PRELID2: variants seen among roughly 807,000 people sequenced by gnomAD.
The protein encoded by PRELID2 is PRELI domain-containing protein 2.
PRELID2 carries 25 observed loss-of-function variants against 28.4 expected under a neutral mutation model. The ratio of observed to expected loss-of-function variants is 0.88; its 90% confidence interval spans 0.64 to 1.23. PRELID2 has a LOEUF of 1.23. Ranked by LOEUF, PRELID2 falls within the 50% of genes most tolerant of loss-of-function variation. The pLI, the probability that PRELID2 is intolerant of heterozygous loss-of-function variation, is 0.00. For synonymous variants in PRELID2, 76 were observed against 71.6 expected (o/e 1.06, Z -0.31); for missense variants, 201 against 214.4 (o/e 0.94, Z 0.39).
chr5:145,656,805 G>T (rs1228270644), intron 1 of PRELID2, among the ~76,000 whole-genome samples: 2 of 151,658 alleles, frequency 1.3e-5, no homozygotes, highest in Non-Finnish European at 2.9e-5. Flanking sequence ...TAATGTAAAT[G>T]GCAAGTTAAT....
chr5:145,400,725 G>C, the PRELID2 span, among the ~76,000 whole-genome samples: 1 of 152,114 alleles, frequency 6.6e-6, no homozygotes, highest in Non-Finnish European at 1.5e-5. Flanking sequence ...ACCATCTGAT[G>C]CTAGAGAAGA....
At chr5:145,754,912 G>C (rs1431709789), downstream of PRELID2, among the ~76,000 whole-genome samples, 3 of 152,288 alleles carry the variant, frequency 2.0e-5, no homozygotes, top group East Asian at 5.8e-4. Context: ...AGACATCTCA[G>C]TTGGTTCAAC....
chr5:145,569,500 A>T (rs979711272), intron 1 of PRELID2, among the ~76,000 whole-genome samples: 1 of 152,182 alleles, frequency 6.6e-6, no homozygotes, highest in Non-Finnish European at 1.5e-5. Context: ...CCTAAAAGCT[A>T]CTAATATTAC....
chr5:145,530,358 T>C (rs1037515088), intron 1 of PRELID2, among the ~76,000 whole-genome samples: 3 of 152,110 alleles, frequency 2.0e-5, no homozygotes, highest in African/African-American at 7.2e-5. Flanking sequence ...AATAATTCAT[T>C]ACAAACTCAT....
the PRELID2 span, among the ~76,000 whole-genome samples, chr5:145,405,343 G>C: frequency 5.9e-5 from 9 of 152,118 alleles, no homozygotes; most frequent in Non-Finnish European, 1.2e-4. Flanking sequence ...ACCTATGTTA[G>C]TTAATTGCTG....
At chr5:145,389,706 A>G in the PRELID2 span, among the ~76,000 whole-genome samples, 2 of 152,134 alleles carry the variant, frequency 1.3e-5, no homozygotes, top group African/African-American at 4.8e-5. Flanking sequence ...GGAAGGAAAA[A>G]AAGAGAATAC....
At chr5:145,275,977 A>T in the PRELID2 span, among the ~76,000 whole-genome samples, 1 of 152,280 alleles carries the variant, frequency 6.6e-6, no homozygotes. Context: ...CATAACTAGC[A>T]GTTTCTGACA....
At chr5:145,252,208 C>T in the PRELID2 span, among the ~76,000 whole-genome samples, 1 of 152,118 alleles carries the variant, frequency 6.6e-6, no homozygotes, top group African/African-American at 2.4e-5. Context: ...ATGGGAATCT[C>T]TGTTTTAACA....
At chr5:145,253,691 A>G in the PRELID2 span, among the ~76,000 whole-genome samples, 1 of 152,010 alleles carries the variant, frequency 6.6e-6, no homozygotes, top group African/African-American at 2.4e-5. Context: ...CTGAACTGTT[A>G]GAGAGGTAGG....
chr5:145,423,994 CGTGTGAGGTGTCA>C, the PRELID2 span, among the ~76,000 whole-genome samples: 1 of 151,490 alleles, frequency 6.6e-6, no homozygotes, highest in Non-Finnish European at 1.5e-5. Flanking sequence ...AGTACCCTGC[CGTGTGAGGTGTCA>C]GTGTGACCCT....
chr5:145,663,786 T>TA (rs1241967479), intron 1 of PRELID2, among the ~76,000 whole-genome samples: 1 of 152,110 alleles, frequency 6.6e-6, no homozygotes, highest in Non-Finnish European at 1.5e-5. Flanking sequence ...TCCTCATTTG[T>TA]AAAACTGGCA....
the PRELID2 span, among the ~76,000 whole-genome samples, chr5:145,321,933 T>G: frequency 3.3e-5 from 5 of 152,210 alleles, no homozygotes; most frequent in African/African-American, 1.2e-4. Context: ...GCGCTGGAGC[T>G]CACCATCCTC....
chr5:145,503,020 T>C (rs1752373185), intron 1 of PRELID2, among the ~76,000 whole-genome samples: 1 of 152,238 alleles, frequency 6.6e-6, no homozygotes, highest in Admixed American at 6.5e-5. Context: ...AGATTTAATT[T>C]CCTTGCCTCT....
chr5:145,431,016 T>TG, the PRELID2 span, among the ~76,000 whole-genome samples: 4 of 145,436 alleles, frequency 2.8e-5, no homozygotes, highest in African/African-American at 5.1e-5. Flanking sequence ...GTTTTTTTTT[T>TG]TTTTTTTTTT....
At chr5:145,669,023 CT>C (rs1693411330) in intron 1 of PRELID2, among the ~76,000 whole-genome samples, 1 of 152,096 alleles carries the variant, frequency 6.6e-6, no homozygotes, top group African/African-American at 2.4e-5. Flanking sequence ...GAGACAGAAA[CT>C]TTCCTCAGAC....
At chr5:145,728,343 TA>T (rs1253295267) in intron 1 of PRELID2, 1 of 378,114 alleles carries the variant, frequency 2.6e-6, no homozygotes, top group Non-Finnish European at 5.0e-6. Flanking sequence ...TCTCTATCTC[TA>T]CTTACTTATC....
the PRELID2 span, among the ~76,000 whole-genome samples, chr5:145,384,896 A>T: frequency 6.6e-6 from 1 of 152,156 alleles, no homozygotes; most frequent in Non-Finnish European, 1.5e-5. Context: ...CATCTTCATG[A>T]TCCATTCACC....
At chr5:145,229,666 C>A in the PRELID2 span, 12 of 791,212 alleles carry the variant, frequency 1.5e-5, no homozygotes, top group Non-Finnish European at 2.2e-5. Context: ...ATCTACCAGA[C>A]CCCAGTAGGC....
chr5:145,317,439 G>A, the PRELID2 span, among the ~76,000 whole-genome samples: 1 of 152,196 alleles, frequency 6.6e-6, no homozygotes, highest in Non-Finnish European at 1.5e-5. Context: ...ACCAGCTTGT[G>A]CTGTTCCTGA....
Sources: allele counts gnomAD v4.1 joint callset (sites outside exome capture counted in the v4.1 genomes callset), GRCh38; gene constraint gnomAD v4.1.1; transcripts MANE v1.5; gene names NCBI Gene and HGNC (gene_info 2026-07-23, HGNC 2026-07-21).